CASR: variants seen among roughly 807,000 people sequenced by gnomAD.
CASR encodes the protein extracellular calcium-sensing receptor.
In CASR, 23 loss-of-function variants were observed where a neutral mutation model predicts 69.1. The ratio of observed to expected loss-of-function variants is 0.33; its 90% CI spans 0.24 to 0.47. The LOEUF (loss-of-function observed/expected upper bound fraction) is 0.47, where lower values mean the gene tolerates loss of function less well. Among genes scored for constraint, CASR ranks in the 20% least tolerant of loss-of-function variants. The pLI is 1.00. For synonymous variants in CASR, 541 were observed against 544.7 expected (o/e 0.99, Z 0.10); for missense variants, 924 against 1,356.1 (o/e 0.68, Z 5.00).
In CASR at chr3:122,216,009, G is replaced by T. The variant is rs79464050; in HGVS notation, c.-243+32197G>T. ...GCCTGTGTTTGCTCATCTTTAATGGGGTGTTCATAATGTCCACTTTTCACA... is the reference window on the plus strand; with the variant it reads ...GCCTGTGTTTGCTCATCTTTAATGGTGTGTTCATAATGTCCACTTTTCACA... On this transcript the variant is annotated intron_variant, in intron 1 of 6. Transcript: ENST00000639785. Among the ~76,000 whole-genome samples, 90 of 152,174 alleles carry T rather than the reference G, an allele frequency of 5.9e-4. 1 individual carries two copies. The East Asian group carries it at 0.017, about 28-fold the overall frequency.
intron 1 of CASR, among the ~76,000 whole-genome samples, chr3:122,206,023 A>G (rs1342035410): frequency 6.6e-6 from 1 of 151,942 alleles, no homozygotes; most frequent in Non-Finnish European, 1.5e-5. Flanking sequence ...AGATAAGGCT[A>G]ATTTGACTTC....
At chr3:122,192,390 C>T in intron 1 of CASR, among the ~76,000 whole-genome samples, 1 of 152,176 alleles carries the variant, frequency 6.6e-6, no homozygotes, top group Non-Finnish European at 1.5e-5. Flanking sequence ...CCAAAATCTT[C>T]AAAGCTCTAA....
chr3:122,239,619 T>C (rs2074361489), intron 1 of CASR, among the ~76,000 whole-genome samples: 1 of 152,198 alleles, frequency 6.6e-6, no homozygotes, highest in Admixed American at 6.5e-5. Context: ...CAAGACCCAG[T>C]GCTGTGACGG....
intron 4 of CASR, among the ~76,000 whole-genome samples, chr3:122,270,896 CTT>C (rs1182788073): frequency 1.3e-5 from 2 of 152,018 alleles, no homozygotes; most frequent in African/African-American, 2.4e-5. Flanking sequence ...TTTATTGAAA[CTT>C]GCTTTATAAT....
intron 1 of CASR, among the ~76,000 whole-genome samples, chr3:122,252,581 A>T (rs2074509862): frequency 6.6e-6 from 1 of 151,890 alleles, no homozygotes; most frequent in Non-Finnish European, 1.5e-5. Context: ...ATGATGGTGG[A>T]CTAAAAATAA....
Position 122,288,982 on chromosome 3 carries a change from C to T in CASR, c.*3791C>T, listed in dbSNP as rs1398139012. ...TCAATACCCTGAAAGTCCCTATGAT[C>T]GTCACACGTTGTCTAATTGCATTAA... On this transcript the variant is annotated 3_prime_UTR_variant, in exon 7 of 7. Transcript: ENST00000639785. 1 of 152,124 alleles carries T rather than the reference C, an allele frequency of 6.6e-6. No individual in the cohort carries two copies. The highest frequency in any genetic ancestry group is 1.9e-4 in the East Asian group (1 of 5,186). The allele number at this position is 152,124 out of a possible 1,614,324, so 9.4% of individuals were successfully genotyped here.
At chr3:122,277,247 A>G (rs2074833782) in intron 5 of CASR, among the ~76,000 whole-genome samples, 1 of 151,948 alleles carries the variant, frequency 6.6e-6, no homozygotes, top group Non-Finnish European at 1.5e-5. Context: ...GGGTTTCACC[A>G]TGTTGGCCAG....
At chr3:122,185,041 TC>T (rs994721558) in intron 1 of CASR, among the ~76,000 whole-genome samples, 86 of 151,884 alleles carry the variant, frequency 5.7e-4, no homozygotes, top group African/African-American at 1.8e-3. Flanking sequence ...GATTGTCAGT[TC>T]CCGGGGCCTG....
intron 1 of CASR, among the ~76,000 whole-genome samples, chr3:122,242,546 A>G (rs187118737): frequency 9.2e-5 from 14 of 152,326 alleles, no homozygotes; most frequent in African/African-American, 1.7e-4. Flanking sequence ...AAAAGGAAAT[A>G]TATTCCATAT....
chr3:122,213,261 C>T (rs1446312974), intron 1 of CASR, among the ~76,000 whole-genome samples: 1 of 152,126 alleles, frequency 6.6e-6, no homozygotes, highest in East Asian at 1.9e-4. Flanking sequence ...TTTTGAAAAC[C>T]TAGTGCATTA....
Position 122,289,705 on chromosome 3 carries a change from A to G in CASR, c.*4514A>G, listed in dbSNP as rs908331236. On this transcript the variant is annotated 3_prime_UTR_variant, in exon 7 of 7. Transcript: ENST00000639785. ...TTCTCCTCTGTTGGGAATAACCACCACATTCATCCCCTCCCCTGACCCCTG... is the reference window on the plus strand; with the variant it reads ...TTCTCCTCTGTTGGGAATAACCACCGCATTCATCCCCTCCCCTGACCCCTG... 2.0e-5 allele frequency: 3 copies of G among 152,508 alleles called. No individual in the cohort carries two copies. 9.4% of individuals were successfully genotyped at this position (152,508 alleles called of 1,614,324 possible). A position where few individuals can be genotyped will look rare whatever the true frequency, so the allele number is the denominator to read the frequency against.
At chr3:122,191,576 T>G (rs1031745032) in intron 1 of CASR, among the ~76,000 whole-genome samples, 2 of 151,788 alleles carry the variant, frequency 1.3e-5, no homozygotes, top group Non-Finnish European at 2.9e-5. Context: ...CCTCCCAAAG[T>G]GCTGGGATTA....
intron 1 of CASR, among the ~76,000 whole-genome samples, chr3:122,252,252 T>TG (rs2107621928): frequency 6.7e-6 from 1 of 149,768 alleles, no homozygotes; most frequent in East Asian, 1.9e-4. Context: ...TGAGCTGTGA[T>TG]GGCGCCACTG....
At chr3:122,253,471 G>A (rs1398059826) in intron 1 of CASR, among the ~76,000 whole-genome samples, 3 of 152,166 alleles carry the variant, frequency 2.0e-5, no homozygotes, top group Non-Finnish European at 4.4e-5. Context: ...TTGAACTCCT[G>A]ACCTCAGGTT....
At chr3:122,218,800 A>G (rs2107600513) in intron 1 of CASR, among the ~76,000 whole-genome samples, 1 of 152,322 alleles carries the variant, frequency 6.6e-6, no homozygotes, top group African/African-American at 2.4e-5. Context: ...ACAAATAGTG[A>G]TGTGTTTGCA....
At chr3:122,197,394 G>A (rs1448874765) in intron 1 of CASR, among the ~76,000 whole-genome samples, 1 of 152,040 alleles carries the variant, frequency 6.6e-6, no homozygotes, top group African/African-American at 2.4e-5. Flanking sequence ...CTAGAGTTTA[G>A]TAGCTATCTT....
intron 1 of CASR, among the ~76,000 whole-genome samples, chr3:122,193,784 T>C (rs1394066474): frequency 1.3e-5 from 2 of 152,224 alleles, no homozygotes; most frequent in Non-Finnish European, 2.9e-5. Context: ...GGAAAGGGAT[T>C]AACATTGATT....
chr3:122,248,095 C>T (rs34056182), intron 1 of CASR, among the ~76,000 whole-genome samples: 25,777 of 152,134 alleles, frequency 0.17, 2,278 homozygotes, highest in African/African-American at 0.18. Context: ...CTTGGGCTTG[C>T]GGGAGGCAGC....
intron 1 of CASR, among the ~76,000 whole-genome samples, chr3:122,211,814 C>T (rs1171479253): frequency 6.6e-6 from 1 of 152,094 alleles, no homozygotes; most frequent in Non-Finnish European, 1.5e-5. Flanking sequence ...AAAAAAAGTT[C>T]AACATCACTG....
Sources: allele counts gnomAD v4.1 joint callset (sites outside exome capture counted in the v4.1 genomes callset), GRCh38; gene constraint gnomAD v4.1.1; transcripts MANE v1.5; gene names NCBI Gene and HGNC (gene_info 2026-07-23, HGNC 2026-07-21).